WWTR1: variants seen among roughly 807,000 people sequenced by gnomAD.
The protein encoded by WWTR1 is WW domain containing transcription regulator 1.
Under a neutral mutation model 40.1 loss-of-function variants are expected in WWTR1, and 13 were observed. The observed-to-expected ratio is 0.32, with a 90% CI of 0.21 to 0.52. The LOEUF (loss-of-function observed/expected upper bound fraction) is 0.52, where lower values mean the gene tolerates loss of function less well. WWTR1 is among the 20% of genes least tolerant of loss of function. WWTR1 has a pLI of 0.97. For missense variants in WWTR1, 436 were observed against 523.1 expected (o/e 0.83, Z 1.63); for synonymous variants, 230 against 210.1 (o/e 1.09, Z -0.82).
chr3:149,627,390 A>G (rs1185501609), intron 2 of WWTR1, among the ~76,000 whole-genome samples: 1 of 152,186 alleles, frequency 6.6e-6, no homozygotes, highest in Non-Finnish European at 1.5e-5. Flanking sequence ...ATGAAATGCA[A>G]TGAGCAGAGG....
intron 1 of WWTR1, among the ~76,000 whole-genome samples, chr3:149,678,497 A>G (rs1225833351): frequency 6.6e-6 from 1 of 152,000 alleles, no homozygotes; most frequent in Non-Finnish European, 1.5e-5. Flanking sequence ...GGCAGACATT[A>G]CTCACCATGC....
chr3:149,651,924 G>T (rs969561741), intron 2 of WWTR1, among the ~76,000 whole-genome samples: 1 of 150,464 alleles, frequency 6.6e-6, no homozygotes, highest in African/African-American at 2.4e-5. Context: ...CCGCCTCCGG[G>T]GTTCACACCA....
At chr3:149,537,757 T>G (rs1179780393) in intron 4 of WWTR1, among the ~76,000 whole-genome samples, 1 of 152,130 alleles carries the variant, frequency 6.6e-6, no homozygotes, top group Non-Finnish European at 1.5e-5. Flanking sequence ...CTGTCAACCC[T>G]GGCAAGTGCT....
In WWTR1 at chr3:149,656,999, G is replaced by T. The variant is rs769836377; in HGVS notation, c.308C>A (p.Ala103Glu). The change falls in exon 2 of 7, where the codon GCG (alanine) becomes GAG (glutamate). Residue 103 changes from alanine to glutamate, a missense_variant. Coordinates refer to ENST00000360632, the MANE Select transcript of WWTR1 (RefSeq NM_015472.6). ...CGCGTGCTGCTGCGCGGGGCTACCC[G>T]CAGCACCCGCGCCGGTGCCCAGCTG... ...SLQLGTGAGAAGSPAQQHAHL... is the reference protein window; with the variant it reads ...SLQLGTGAGAEGSPAQQHAHL... 20 of 1,597,242 alleles carry T rather than the reference G, an allele frequency of 1.3e-5. No individual in the cohort carries two copies. The highest frequency in any genetic ancestry group is 1.7e-5 in the Non-Finnish European group (20 of 1,176,414).
At chr3:149,596,804 A>G (rs1739021672) in intron 2 of WWTR1, among the ~76,000 whole-genome samples, 1 of 152,226 alleles carries the variant, frequency 6.6e-6, no homozygotes, top group African/African-American at 2.4e-5. Context: ...ACATCTATAC[A>G]GTGGAGATAT....
intron 3 of WWTR1, among the ~76,000 whole-genome samples, chr3:149,545,819 C>T (rs1457992313): frequency 6.6e-6 from 1 of 152,190 alleles, no homozygotes; most frequent in African/African-American, 2.4e-5. Context: ...CCGCGCCCAG[C>T]CCTATGTTAA....
In WWTR1 at chr3:149,519,201, C is replaced by G. The variant is rs967426603; in HGVS notation, c.*1604G>C. 2 of 152,174 alleles carry G rather than the reference C, an allele frequency of 1.3e-5. No homozygotes were observed. Among genetic ancestry groups the G allele is most frequent in the African/African-American group, 4.8e-5 (2 of 41,446 alleles). The allele number at this position is 152,174 out of a possible 1,614,324, so 9.4% of individuals were successfully genotyped here. A position where few individuals can be genotyped will look rare whatever the true frequency, so the allele number is the denominator to read the frequency against. Reference sequence around the variant, plus strand: ...GACTGCATGCCAGTTGAACATGATGCTCTCTCAGTCCTTAAAAGCTAATTA... The same window carrying G: ...GACTGCATGCCAGTTGAACATGATGGTCTCTCAGTCCTTAAAAGCTAATTA... On this transcript the variant is annotated 3_prime_UTR_variant, in exon 7 of 7. Transcript: ENST00000360632.
Position 149,594,076 on chromosome 3 carries a change from G to A in WWTR1, c.432-21076C>T, listed in dbSNP as rs117163368. On this transcript the variant is annotated intron_variant, in intron 2 of 6. Coordinates refer to ENST00000360632, the MANE Select transcript of WWTR1 (RefSeq NM_015472.6). ...TCAATTTGTGCAAATTCATCAAGCC[G>A]TTTATTTATGGTTTGTATACTGTTC... Among the ~76,000 whole-genome samples, 243 of 152,204 alleles carry A rather than the reference G, an allele frequency of 1.6e-3. 2 individuals are homozygous for A. In the Middle Eastern group the frequency reaches 0.027, roughly 17 times the overall value.
At chr3:149,593,877 G>A (rs1275601350) in intron 2 of WWTR1, among the ~76,000 whole-genome samples, 1 of 152,170 alleles carries the variant, frequency 6.6e-6, no homozygotes, top group Non-Finnish European at 1.5e-5. Flanking sequence ...ATTTTGTATG[G>A]CTTCTCTACT....
intron 4 of WWTR1, among the ~76,000 whole-genome samples, chr3:149,532,748 C>T (rs1398824730): frequency 6.6e-6 from 1 of 152,146 alleles, no homozygotes; most frequent in Non-Finnish European, 1.5e-5. Flanking sequence ...AAAGCCCAGA[C>T]CCAGTAGGAT....
chr3:149,645,359 G>A (rs1042755107), intron 2 of WWTR1, among the ~76,000 whole-genome samples: 1 of 152,070 alleles, frequency 6.6e-6, no homozygotes. Flanking sequence ...GATTACAGGT[G>A]TGAGCCACCA....
intron 1 of WWTR1, chr3:149,702,023 A>G (rs1715194837): frequency 5.9e-6 from 1 of 169,372 alleles, no homozygotes; most frequent in African/African-American, 2.4e-5. Context: ...ATTGGTTTCA[A>G]CTCCTCCTGC....
intron 2 of WWTR1, among the ~76,000 whole-genome samples, chr3:149,648,548 G>A (rs573683375): frequency 1.3e-5 from 2 of 152,298 alleles, no homozygotes; most frequent in East Asian, 3.9e-4. Flanking sequence ...CTGCAAGTTG[G>A]GGAAAAGTTC....
chr3:149,702,822 G>C (rs1361922830), intron 1 of WWTR1: 1 of 152,156 alleles, frequency 6.6e-6, no homozygotes, highest in Non-Finnish European at 1.5e-5. Context: ...GCATTTCTGA[G>C]ACTGCAAGGC....
In WWTR1 at chr3:149,621,625, A is replaced by G. The variant is rs16862054; in HGVS notation, c.431+35251T>C. 0.02 allele frequency among the ~76,000 whole-genome samples: 2,998 copies of G among 152,306 alleles called. 209 individuals carry two copies. In the East Asian group the frequency reaches 0.22, roughly 11 times the overall value. On this transcript the variant is annotated intron_variant, in intron 2 of 6. Coordinates refer to ENST00000360632, the MANE Select transcript of WWTR1 (RefSeq NM_015472.6). ...AAAGAAAAAATACAGGAAGAGCAAA[A>G]ATCTAAAGAGAGGAAGAAGTCCAAA...
At chr3:149,540,343 A>G (rs1736035846) in intron 4 of WWTR1, 1 of 451,578 alleles carries the variant, frequency 2.2e-6, no homozygotes, top group Admixed American at 2.4e-5. Context: ...CAGCTGGAAT[A>G]AAGGAAACAA....
intron 5 of WWTR1, among the ~76,000 whole-genome samples, chr3:149,712,900 T>C (rs372441269): frequency 1.1e-3 from 170 of 152,354 alleles, no homozygotes; most frequent in African/African-American, 3.8e-3. Context: ...TATTATGACA[T>C]TCGCAAAAGT....
chr3:149,570,616 TAA>T (rs1737571346), intron 3 of WWTR1, among the ~76,000 whole-genome samples: 2 of 150,768 alleles, frequency 1.3e-5, no homozygotes, highest in Admixed American at 1.3e-4. Context: ...AAAAATTAAA[TAA>T]AAATAGAAAT....
intron 4 of WWTR1, among the ~76,000 whole-genome samples, chr3:149,532,812 A>G (rs544606049): frequency 6.6e-6 from 1 of 152,344 alleles, no homozygotes; most frequent in South Asian, 2.1e-4. Context: ...TGAAAGGCAA[A>G]CGTCTGACTT....
Sources: allele counts gnomAD v4.1 joint callset (sites outside exome capture counted in the v4.1 genomes callset), GRCh38; gene constraint gnomAD v4.1.1; transcripts MANE v1.5; gene names NCBI Gene and HGNC (gene_info 2026-07-23, HGNC 2026-07-21).